Variants in ETFBKMT observed in about 807,000 individuals in gnomAD.
ETFBKMT encodes electron transfer flavoprotein beta subunit lysine methyltransferase.
Under a neutral mutation model 18.3 loss-of-function variants are expected in ETFBKMT, and 13 were observed. The observed-to-expected ratio is 0.71, with a 90% confidence interval of 0.46 to 1.13. ETFBKMT has a LOEUF of 1.13. Among genes scored for constraint, ETFBKMT ranks in the 50% most tolerant of loss-of-function variants. The pLI is 0.00. For synonymous variants in ETFBKMT, 84 were observed against 107.9 expected (o/e 0.78, Z 1.37); for missense variants, 293 against 306.2 (o/e 0.96, Z 0.32).
chr12:31,661,255 A>G (rs1951119405), intron 1 of ETFBKMT, among the ~76,000 whole-genome samples: 1 of 152,224 alleles, frequency 6.6e-6, no homozygotes, highest in African/African-American at 2.4e-5. Context: ...ATACTGAAGG[A>G]TGACTGTATG....
intron 1 of ETFBKMT, among the ~76,000 whole-genome samples, chr12:31,650,861 C>T (rs74579825): frequency 0.012 from 1,785 of 152,170 alleles, 29 homozygotes; most frequent in African/African-American, 0.04. Context: ...TCTATGCAAA[C>T]CTGCGGCCAA....
At chr12:31,659,035 G>C (rs879445424), upstream of ETFBKMT, among the ~76,000 whole-genome samples, 3 of 150,560 alleles carry the variant, frequency 2.0e-5, no homozygotes, top group African/African-American at 7.3e-5. Flanking sequence ...GTTTCAGAAT[G>C]AACTTTTTAG....
At chr12:31,654,991 G>T (rs1467431570), upstream of ETFBKMT, among the ~76,000 whole-genome samples, 1 of 151,778 alleles carries the variant, frequency 6.6e-6, no homozygotes, top group Non-Finnish European at 1.5e-5. Flanking sequence ...GGGAGGAGAA[G>T]GTTGCAGTGA....
intron 1 of ETFBKMT, among the ~76,000 whole-genome samples, chr12:31,648,778 G>C (rs890911776): frequency 3.3e-5 from 5 of 151,906 alleles, no homozygotes; most frequent in African/African-American, 1.2e-4. Flanking sequence ...AGCCAGGATG[G>C]TCTCGATCTC....
At position 31,661,916 on chromosome 12, in the gene ETFBKMT, C is replaced by T. The variant is rs748344478; in HGVS notation, c.-38C>T. 5.7e-6 allele frequency: 9 copies of T among 1,589,844 alleles called. No homozygotes were observed. The highest frequency in any genetic ancestry group is 1.4e-5 in the African/African-American group (1 of 73,994). The stretch of plus-strand genomic sequence containing the variant: ...CTCCTTGAGAAGCAGCTATTATCAA[C>T]AGAACATTGACAGAACCTGTGTTTG... On this transcript the variant is annotated 5_prime_UTR_variant, in exon 2 of 4. Coordinates refer to ENST00000357721, the MANE Select transcript of ETFBKMT (RefSeq NM_001135863.2).
chr12:31,648,755 G>C (rs1197536593), intron 1 of ETFBKMT, among the ~76,000 whole-genome samples: 1 of 151,784 alleles, frequency 6.6e-6, no homozygotes, highest in African/African-American at 2.4e-5. Context: ...TAGAGACAGG[G>C]TTTCACCATG....
At chr12:31,649,642 A>G (rs1280029350) in intron 1 of ETFBKMT, among the ~76,000 whole-genome samples, 1 of 151,864 alleles carries the variant, frequency 6.6e-6, no homozygotes, top group Non-Finnish European at 1.5e-5. Flanking sequence ...TTTTGCACCA[A>G]CCTAATATGA....
chr12:31,667,819 C>T lies in ETFBKMT; in HGVS notation c.618C>T (p.Cys206=). The stretch of plus-strand genomic sequence containing the variant: ...GTCTTCATCAGTGGCTGAAGAAGTG[C>T]TTCTGGACCTATAGAACTCGAGTAC... The part of the protein sequence containing the change: ...ADSLHQWLKK[C]FWTYRTRVLI... Residue 206 remains cysteine, a synonymous_variant, in exon 4 of 4, where the codon TGC becomes TGT. Transcript: ENST00000357721. 1 of 1,614,172 alleles carries T rather than the reference C, an allele frequency of 6.2e-7. No individual in the cohort carries two copies. The highest frequency in any genetic ancestry group is 1.1e-5 in the South Asian group (1 of 91,088).
rs1027840371 is a variant in ETFBKMT, at chr12:31,670,374, T to A, written c.*2384T>A. The A allele has an allele frequency of 1.8e-4, 28 of 152,240 alleles. No homozygotes were observed. The highest frequency in any genetic ancestry group is 6.5e-4 in the African/African-American group (27 of 41,462). 9.4% of individuals were successfully genotyped at this position (152,240 alleles called of 1,614,324 possible). ...TTTTCAGTTTATTGAGCTTTTTTCT[T>A]ATTGTGAGGATGGGAATGATGACTT... On this transcript the variant is annotated 3_prime_UTR_variant, in exon 4 of 4. Transcript: ENST00000357721.
chr12:31,650,565 A>C (rs1322192265), intron 1 of ETFBKMT, among the ~76,000 whole-genome samples: 2 of 149,948 alleles, frequency 1.3e-5, no homozygotes, highest in Non-Finnish European at 2.9e-5. Flanking sequence ...TTGGGATCTG[A>C]ATCGTGATCC....
upstream of ETFBKMT, among the ~76,000 whole-genome samples, chr12:31,656,896 T>C (rs1951066747): frequency 6.6e-6 from 1 of 152,360 alleles, no homozygotes. Flanking sequence ...ATCAACACTA[T>C]CTCTGTGTTT....
At position 31,660,305 on chromosome 12, in the gene ETFBKMT, C is replaced by A. The variant is rs1951106250; in HGVS notation, c.-114+516C>A. Among the ~76,000 whole-genome samples, 2 of 151,982 alleles carry A rather than the reference C, an allele frequency of 1.3e-5. 1 individual carries two copies. Among genetic ancestry groups the A allele is most frequent in the South Asian group, 4.1e-4 (2 of 4,824 alleles). On this transcript the variant is annotated intron_variant, in intron 1 of 3. Transcript: ENST00000357721. ...TGTTTGAAAACAGTCTCCAGCTTGC[C>A]ACAGCCCCTCTGTTATTTTACAGCC...
In ETFBKMT at chr12:31,668,063, T is replaced by A; in HGVS notation, c.*73T>A. On this transcript the variant is annotated 3_prime_UTR_variant, in exon 4 of 4. Coordinates refer to ENST00000357721, the MANE Select transcript of ETFBKMT (RefSeq NM_001135863.2). ...CTCTAAAAGTTTTCTCTATAGGAGA[T>A]ACTCTCCAGTTTAATGAATGTAATT... The A allele has an allele frequency of 8.7e-7, 1 of 1,145,208 alleles. No homozygotes were observed. The highest frequency in any genetic ancestry group is 1.2e-6 in the Non-Finnish European group (1 of 801,342). 70.9% of individuals were successfully genotyped at this position (1,145,208 alleles called of 1,614,324 possible).
Position 31,662,268 on chromosome 12 carries a change from G to A in ETFBKMT, c.314+1G>A, listed in dbSNP as rs138229541. On this transcript the variant is annotated splice_donor_variant, in intron 2 of 3. Coordinates refer to ENST00000357721, the MANE Select transcript of ETFBKMT (RefSeq NM_001135863.2). LOFTEE classifies it high-confidence loss of function. ...GGCCAGGAGGCCAAGCCCTGTCTAGGTACTACCCTAATGAAACCTTTAAGG... is the reference window on the plus strand; with the variant it reads ...GGCCAGGAGGCCAAGCCCTGTCTAGATACTACCCTAATGAAACCTTTAAGG... 4.5e-3 allele frequency: 7,254 copies of A among 1,613,484 alleles called. 30 individuals carry two copies. The highest frequency in any genetic ancestry group is 0.012 in the Middle Eastern group (73 of 6,046).
Position 31,669,379 on chromosome 12 carries a change from G to A in ETFBKMT, c.*1389G>A, listed in dbSNP as rs1325002898. 6.6e-6 allele frequency: 1 copy of A among 152,264 alleles called. No homozygotes were observed. The highest frequency in any genetic ancestry group is 1.5e-5 in the Non-Finnish European group (1 of 68,074). 9.4% of individuals were successfully genotyped at this position (152,264 alleles called of 1,614,324 possible). A position where few individuals can be genotyped will look rare whatever the true frequency, so the allele number is the denominator to read the frequency against. The stretch of plus-strand genomic sequence containing the variant: ...TGCCCCTGCTGTGACCTTCACAAGT[G>A]CTTTCAGCTTTTCTTTTGTCACTTT... On this transcript the variant is annotated 3_prime_UTR_variant, in exon 4 of 4. Transcript: ENST00000357721.
At position 31,672,462 on chromosome 12, in the gene ETFBKMT, T is replaced by C. The variant is rs1951298845; in HGVS notation, c.*4472T>C. On this transcript the variant is annotated 3_prime_UTR_variant, in exon 4 of 4. Coordinates refer to ENST00000357721, the MANE Select transcript of ETFBKMT (RefSeq NM_001135863.2). ...CATGTCTAACTGGAGGTGATGTTAATTATTATACAGTTATTTAAAGGATTA... is the reference window on the plus strand; with the variant it reads ...CATGTCTAACTGGAGGTGATGTTAACTATTATACAGTTATTTAAAGGATTA... 2.1e-6 allele frequency: 2 copies of C among 934,498 alleles called. No individual in the cohort carries two copies. Among genetic ancestry groups the C allele is most frequent in the Non-Finnish European group, 3.4e-6 (2 of 590,660 alleles). The allele number at this position is 934,498 out of a possible 1,614,324, so 57.9% of individuals were successfully genotyped here.
chr12:31,663,302 A>G (rs1951151778), intron 2 of ETFBKMT, among the ~76,000 whole-genome samples: 1 of 152,128 alleles, frequency 6.6e-6, no homozygotes, highest in Non-Finnish European at 1.5e-5. Context: ...CATGTTGATC[A>G]GGCTGGTCTC....
At chr12:31,648,106 G>A (rs1950982835) in intron 1 of ETFBKMT, among the ~76,000 whole-genome samples, 1 of 152,086 alleles carries the variant, frequency 6.6e-6, no homozygotes, top group Admixed American at 6.6e-5. Context: ...GCCAGAAAGT[G>A]GAAACCACCT....
chr12:31,663,445 C>T (rs1029175144), intron 2 of ETFBKMT, among the ~76,000 whole-genome samples: 1 of 152,034 alleles, frequency 6.6e-6, no homozygotes, highest in Non-Finnish European at 1.5e-5. Context: ...AGGCTGGTCT[C>T]GAACCCCTGA....
Sources: allele counts gnomAD v4.1 joint callset (sites outside exome capture counted in the v4.1 genomes callset), GRCh38; gene constraint gnomAD v4.1.1; transcripts MANE v1.5; gene names NCBI Gene and HGNC (gene_info 2026-07-23, HGNC 2026-07-21).